Variants in KCNMA1 observed in about 807,000 individuals in gnomAD.
KCNMA1 encodes potassium calcium-activated channel subfamily M alpha 1, also known as Calcium-activated potassium channel subunit alpha-1.
KCNMA1 carries 29 observed loss-of-function variants against 140.0 expected under a neutral mutation model. That is an observed-to-expected ratio of 0.21 (90% CI 0.15 to 0.28). The LOEUF is 0.28. Among genes scored for constraint, KCNMA1 ranks in the 10% least tolerant of loss-of-function variants. The pLI is 1.00. For missense variants in KCNMA1, 880 were observed against 1,602.2 expected (o/e 0.55, Z 7.70); for synonymous variants, 612 against 611.9 (o/e 1.00, Z 0.00).
intron 2 of KCNMA1, among the ~76,000 whole-genome samples, chr10:77,324,766 C>T (rs552327400): frequency 3.2e-4 from 49 of 152,232 alleles, no homozygotes; most frequent in African/African-American, 1.2e-3. Context: ...TTCTTCTTGC[C>T]TACAAGTGGG....
At chr10:77,602,503 CTG>C (rs1427245651) in intron 1 of KCNMA1, among the ~76,000 whole-genome samples, 1 of 152,166 alleles carries the variant, frequency 6.6e-6, no homozygotes, top group Non-Finnish European at 1.5e-5. Context: ...GCACAACTCT[CTG>C]TATATACTAA....
rs374754971 is a variant in KCNMA1, at chr10:77,189,382, C to T, written c.603-4466G>A. 1.3e-4 allele frequency among the ~76,000 whole-genome samples: 19 copies of T among 151,940 alleles called. No individual in the cohort carries two copies. In the East Asian group the frequency reaches 2.1e-3, roughly 17 times the overall value. On this transcript the variant is annotated intron_variant, in intron 3 of 27. Transcript: ENST00000286628. ...GAACAGACATTTTCTGTTTCAGATG[C>T]GAACAAGGGGGTGAAAAAATTAAAA... is the stretch of plus-strand genomic sequence containing the variant.
At chr10:76,938,814 G>A (rs1005639434) in intron 23 of KCNMA1, among the ~76,000 whole-genome samples, 10 of 152,038 alleles carry the variant, frequency 6.6e-5, no homozygotes, top group Admixed American at 6.6e-5. Flanking sequence ...AATCTTTGCC[G>A]TCACTTCCAT....
intron 3 of KCNMA1, among the ~76,000 whole-genome samples, chr10:77,200,579 C>A (rs1332731179): frequency 6.6e-6 from 1 of 151,974 alleles, no homozygotes; most frequent in East Asian, 1.9e-4. Context: ...TACCACGGCC[C>A]CCATGTCTAT....
intron 5 of KCNMA1, among the ~76,000 whole-genome samples, chr10:77,127,071 A>AAC (rs60249347): frequency 1.7e-3 from 242 of 146,474 alleles, no homozygotes; most frequent in Middle Eastern, 7.0e-3. Context: ...CACACACACA[A>AAC]ACACACACAC....
At chr10:76,993,014 A>T (rs1275337212) in intron 19 of KCNMA1, among the ~76,000 whole-genome samples, 1 of 152,206 alleles carries the variant, frequency 6.6e-6, no homozygotes, top group African/African-American at 2.4e-5. Context: ...TCCTTGCCAT[A>T]TACAGGGATT....
At chr10:77,503,452 G>A (rs73285202) in intron 1 of KCNMA1, among the ~76,000 whole-genome samples, 7,073 of 151,978 alleles carry the variant, frequency 0.047, 568 homozygotes, top group African/African-American at 0.16. Flanking sequence ...GGGATTCTCC[G>A]TCCACCCAGC....
intron 1 of KCNMA1, among the ~76,000 whole-genome samples, chr10:77,512,053 C>T (rs896673509): frequency 3.9e-5 from 6 of 152,128 alleles, no homozygotes; most frequent in African/African-American, 7.2e-5. Flanking sequence ...AGCAGGAAGC[C>T]CGGGAGTTAT....
At chr10:76,896,871 C>T (rs1412495450) in intron 25 of KCNMA1, among the ~76,000 whole-genome samples, 1 of 151,194 alleles carries the variant, frequency 6.6e-6, no homozygotes, top group Admixed American at 6.6e-5. Flanking sequence ...AAAAAAAAAA[C>T]CACTGAATCG....
intron 10 of KCNMA1, among the ~76,000 whole-genome samples, chr10:77,088,754 T>C (rs1164245481): frequency 6.6e-6 from 1 of 152,128 alleles, no homozygotes; most frequent in African/African-American, 2.4e-5. Flanking sequence ...ACTAAAGCAG[T>C]GGATGAGAGA....
chr10:76,940,220 A>G (rs2061604622), intron 23 of KCNMA1, among the ~76,000 whole-genome samples: 1 of 152,242 alleles, frequency 6.6e-6, no homozygotes, highest in Non-Finnish European at 1.5e-5. Flanking sequence ...ACAACAAGCC[A>G]TCACATCTTG....
intron 14 of KCNMA1, among the ~76,000 whole-genome samples, chr10:77,060,114 T>C (rs1230075940): frequency 5.9e-5 from 9 of 152,138 alleles, no homozygotes; most frequent in Admixed American, 5.9e-4. Context: ...AGATACGACA[T>C]AGTAAAGATG....
intron 1 of KCNMA1, among the ~76,000 whole-genome samples, chr10:77,440,354 G>A (rs2097369242): frequency 6.6e-6 from 1 of 152,140 alleles, no homozygotes; most frequent in Non-Finnish European, 1.5e-5. Flanking sequence ...CTCAGGAGGA[G>A]AGAAATTAAA....
chr10:76,916,734 T>C lies in KCNMA1; in HGVS notation c.2903-1685A>G, dbSNP rs140161346. Among the ~76,000 whole-genome samples the C allele has an allele frequency of 6.6e-5, 10 of 152,328 alleles. No individual in the cohort carries two copies. The East Asian group carries it at 1.7e-3, about 26-fold the overall frequency. ...TTTCCAGCAATGTGACAAGATTGTG[T>C]TGAGTCTGGCATTTTGGCTAGGTGT... On this transcript the variant is annotated intron_variant, in intron 23 of 27. Coordinates refer to ENST00000286628, the MANE Select transcript of KCNMA1 (RefSeq NM_001161352.2).
At position 77,548,090 on chromosome 10, in the gene KCNMA1, A is replaced by C. The variant is rs996146000; in HGVS notation, c.378+89175T>G. The stretch of plus-strand genomic sequence containing the variant: ...TTCTTGAGCCTTTTTAAGAGCAAAT[A>C]ATATCTCTGGAATATATTTGGTATA... On this transcript the variant is annotated intron_variant, in intron 1 of 27. Transcript: ENST00000286628. 4.6e-5 allele frequency among the ~76,000 whole-genome samples: 7 copies of C among 152,210 alleles called. No individual in the cohort carries two copies. The East Asian group carries it at 1.3e-3, about 29-fold the overall frequency.
At chr10:77,478,022 T>C in intron 1 of KCNMA1, among the ~76,000 whole-genome samples, 1 of 152,226 alleles carries the variant, frequency 6.6e-6, no homozygotes, top group East Asian at 1.9e-4. Flanking sequence ...CATGATACCC[T>C]CTGCCGTTAA....
At chr10:77,367,289 G>A (rs573814603) in intron 2 of KCNMA1, among the ~76,000 whole-genome samples, 3 of 152,308 alleles carry the variant, frequency 2.0e-5, no homozygotes, top group Admixed American at 6.5e-5. Context: ...GGAGATTTCA[G>A]GGGAAAGAGC....
chr10:76,997,881 C>G (rs1565443923), intron 19 of KCNMA1, among the ~76,000 whole-genome samples: 2 of 152,210 alleles, frequency 1.3e-5, no homozygotes, highest in Non-Finnish European at 1.5e-5. Flanking sequence ...AAATGACACT[C>G]TATGCACTGA....
At chr10:77,567,213 G>T (rs1001966899) in intron 1 of KCNMA1, among the ~76,000 whole-genome samples, 1 of 152,238 alleles carries the variant, frequency 6.6e-6, no homozygotes, top group Non-Finnish European at 1.5e-5. Context: ...CAAGGCGGGG[G>T]ATTAGATTAA....
Sources: gnomAD v4.1 joint callset for allele counts (sites outside exome capture counted in the v4.1 genomes callset) on GRCh38, gnomAD v4.1.1 for gene constraint, MANE v1.5 for transcripts, NCBI Gene and HGNC (gene_info 2026-07-23, HGNC 2026-07-21) for gene names.